NUMA1: variants seen among roughly 807,000 people sequenced by gnomAD.
The protein encoded by NUMA1 is SP-H antigen.
NUMA1 carries 62 observed loss-of-function variants against 237.1 expected under a neutral mutation model. The observed-to-expected ratio is 0.26, with a 90% CI of 0.21 to 0.32. The LOEUF (loss-of-function observed/expected upper bound fraction) is 0.32. NUMA1 is among the 10% of genes least tolerant of loss of function. NUMA1 has a pLI of 1.00. For missense variants in NUMA1, 2,533 were observed against 2,666.5 expected, an observed-to-expected ratio of 0.95 and a Z score of 1.10; for synonymous variants, 1,028 against 1,066.1, an observed-to-expected ratio of 0.96 and a Z score of 0.70.
At chr11:72,030,379 G>A (rs184507060) in intron 3 of NUMA1, among the ~76,000 whole-genome samples, 15 of 151,800 alleles carry the variant, frequency 9.9e-5, no homozygotes, top group Middle Eastern at 3.4e-3. Context: ...AAAAGGGGGC[G>A]GTGGGGGATG....
rs1955811830 is a variant in NUMA1, at chr11:72,007,433, T to A, written c.5219A>T (p.Lys1740Met). 1 of 1,613,260 alleles carries A rather than the reference T, an allele frequency of 6.2e-7. No homozygotes were observed. Among genetic ancestry groups the A allele is most frequent in the Non-Finnish European group, 8.5e-7 (1 of 1,179,906 alleles). The change falls in exon 21 of 27, where the codon AAG becomes ATG. Residue 1740 changes from lysine (K) to methionine (M), a missense_variant and splice_region_variant. By Grantham distance (95) the Lys-to-Met change is moderately conservative (BLOSUM62 -1). Coordinates refer to ENST00000393695, the MANE Select transcript of NUMA1 (RefSeq NM_006185.4). ...GCCGTCTGGCTGGGTACGAGGCAGC[T>A]TGCTATGGAAAGGAAACCTGCTGAG... ...EEGTPLSITS[K>M]LPRTQPDGTS...
At chr11:72,022,761 T>C (rs1939054291) in intron 6 of NUMA1, among the ~76,000 whole-genome samples, 1 of 151,906 alleles carries the variant, frequency 6.6e-6, no homozygotes, top group South Asian at 2.1e-4. Context: ...ATAATAAAAA[T>C]ATGGTGATAG....
intron 4 of NUMA1, among the ~76,000 whole-genome samples, chr11:72,028,021 G>T (rs1939800088): frequency 6.6e-6 from 1 of 152,170 alleles, no homozygotes; most frequent in Non-Finnish European, 1.5e-5. Flanking sequence ...GCAGGTCCTG[G>T]TTAGAGCCAT....
At chr11:72,006,696 T>C (rs961870241) in intron 21 of NUMA1, among the ~76,000 whole-genome samples, 1 of 152,142 alleles carries the variant, frequency 6.6e-6, no homozygotes, top group Non-Finnish European at 1.5e-5. Flanking sequence ...CTTACCATGT[T>C]CCAGAACTTC....
chr11:72,080,181 G>A (rs949139792), intron 1 of NUMA1: 1 of 151,774 alleles, frequency 6.6e-6, no homozygotes, highest in Admixed American at 6.6e-5. Context: ...AAGCCTTTCG[G>A]GAACTTGCCC....
intron 2 of NUMA1, among the ~76,000 whole-genome samples, chr11:72,043,891 G>A (rs1941842813): frequency 6.6e-6 from 1 of 152,072 alleles, no homozygotes. Context: ...TCATGCCACT[G>A]CACTCCAGCC....
intron 1 of NUMA1, among the ~76,000 whole-genome samples, chr11:72,076,200 CCT>C (rs544529340): frequency 1.1e-3 from 169 of 151,894 alleles, no homozygotes; most frequent in African/African-American, 3.9e-3. Context: ...ATGGCAAAAC[CCT>C]GTCTCTACAG....
chr11:72,077,926 TATGCAATAAAAAAGGAAGGAATAAA>T (rs1943792614), intron 1 of NUMA1, among the ~76,000 whole-genome samples: 1 of 152,018 alleles, frequency 6.6e-6, no homozygotes, highest in South Asian at 2.1e-4. Context: ...TGTATGTATC[TATGCAATAAAAAAGGAAGGAATAAA>T]ATGCAAGGAA....
chr11:72,074,174 C>G (rs1943595994), intron 1 of NUMA1, among the ~76,000 whole-genome samples: 2 of 150,452 alleles, frequency 1.3e-5, no homozygotes, highest in African/African-American at 4.9e-5. Flanking sequence ...AGCCTGGGCA[C>G]CAGGAGCGAA....
chr11:72,045,713 C>T (rs1339414849), intron 2 of NUMA1, among the ~76,000 whole-genome samples: 1 of 152,158 alleles, frequency 6.6e-6, no homozygotes, highest in Non-Finnish European at 1.5e-5. Flanking sequence ...CTCCTGGGCT[C>T]AAGCGATCTG....
At position 72,003,900 on chromosome 11, in the gene NUMA1, C is replaced by T. The variant is rs777715941; in HGVS notation, c.6323G>A (p.Arg2108Gln). Residue 2108 changes from arginine (R) to glutamine (Q), a missense_variant, in exon 26 of 27, where the codon CGA becomes CAA. Arg to Gln is a conservative substitution (Grantham distance 43). This residue lies in a region of NUMA1 where 795 missense variants were observed against 750.8 expected (regional missense o/e 1.06). Coordinates refer to ENST00000393695, the MANE Select transcript of NUMA1 (RefSeq NM_006185.4). ...CAGTGCCTCTACCTTGCCCTTGGCT[C>T]GAGGGGTGGCACCAATGGCGGCAGC... ...ATAAAIGATP[R>Q]AKGKAKH 6.1e-5 allele frequency: 99 copies of T among 1,613,480 alleles called. No individual in the cohort carries two copies. In the Admixed American group the frequency reaches 1.2e-3, roughly 20 times the overall value.
At chr11:72,060,995 G>A (rs1048134065) in intron 2 of NUMA1, among the ~76,000 whole-genome samples, 1 of 152,242 alleles carries the variant, frequency 6.6e-6, no homozygotes, top group African/African-American at 2.4e-5. Flanking sequence ...CTTGAACCAA[G>A]GAGTTGGAGG....
In NUMA1 at chr11:72,008,757, G is replaced by C; in HGVS notation, c.5147C>G (p.Pro1716Arg). The change falls in exon 20 of 27, where the codon CCC (proline) becomes CGC (arginine). Residue 1716 changes from proline (P) to arginine (R), a missense_variant. Around this residue, in one of 3 missense-constraint regions of NUMA1, gnomAD observed 795 missense variants for 750.8 expected, o/e 1.06. Coordinates refer to ENST00000393695, the MANE Select transcript of NUMA1 (RefSeq NM_006185.4). ...ALKSREPQAK[P>R]QLDLSIDSLD... The stretch of plus-strand genomic sequence containing the variant: ...GCTGTCAATACTCAAGTCCAGCTGG[G>C]GCTTAGCCTGGGGCTCACGGCTCTT... 1 of 1,614,084 alleles carries C rather than the reference G, an allele frequency of 6.2e-7. No homozygotes were observed. The highest frequency in any genetic ancestry group is 2.2e-5 in the East Asian group (1 of 44,878).
intron 7 of NUMA1, 85 bp downstream of exon 7, chr11:72,022,254 G>GT: frequency 3.8e-6 from 3 of 798,200 alleles, no homozygotes; most frequent in Non-Finnish European, 4.1e-6. Context: ...AAAAAGTCCA[G>GT]TATCTGCTGT....
intron 16 of NUMA1, among the ~76,000 whole-genome samples, chr11:72,011,127 G>A (rs995709310): frequency 7.9e-5 from 12 of 152,058 alleles, no homozygotes; most frequent in African/African-American, 2.2e-4. Context: ...CCCAACCCCC[G>A]TCACCTCCAA....
At chr11:72,070,381 A>C (rs1943391329) in intron 1 of NUMA1, among the ~76,000 whole-genome samples, 1 of 152,180 alleles carries the variant, frequency 6.6e-6, no homozygotes, top group Admixed American at 6.5e-5. Flanking sequence ...TATTCTACAG[A>C]ATATACTCTG....
At chr11:72,036,939 C>T (rs35425746) in intron 2 of NUMA1, among the ~76,000 whole-genome samples, 57 of 152,218 alleles carry the variant, frequency 3.7e-4, no homozygotes, top group Admixed American at 6.5e-4. Context: ...TCTGTAATTA[C>T]TCTAGAAGGA....
chr11:72,043,227 C>T (rs986551366), intron 2 of NUMA1, among the ~76,000 whole-genome samples: 4 of 151,868 alleles, frequency 2.6e-5, no homozygotes, highest in Admixed American at 6.6e-5. Context: ...TGGTGGGGCA[C>T]GGTGGCTCAC....
intron 2 of NUMA1, among the ~76,000 whole-genome samples, chr11:72,064,458 G>T (rs913584965): frequency 1.3e-5 from 2 of 151,748 alleles, no homozygotes; most frequent in Non-Finnish European, 2.9e-5. Context: ...ACAGAGCAAG[G>T]CCCCGTCTCT....
Sources: allele counts gnomAD v4.1 joint callset (sites outside exome capture counted in the v4.1 genomes callset), GRCh38; gene constraint gnomAD v4.1.1; regional missense constraint gnomAD v4.1.1; transcripts MANE v1.5; gene names NCBI Gene and HGNC (gene_info 2026-07-23, HGNC 2026-07-21).